Variants in HARS1 observed in about 807,000 individuals in gnomAD.
HARS1 encodes histidine--tRNA ligase, cytoplasmic.
Under a neutral mutation model 63.6 loss-of-function variants are expected in HARS1, and 45 were observed. That is an observed-to-expected ratio of 0.71 (90% CI 0.56 to 0.91). The LOEUF is 0.91. Ranked by LOEUF, HARS1 falls within the 40% of genes least tolerant of loss-of-function variation. The pLI is 0.00. For synonymous variants in HARS1, 205 were observed against 247.1 expected (o/e 0.83, Z 1.60); for missense variants, 508 against 643.2 (o/e 0.79, Z 2.27).
chr5:140,676,675 G>A lies in HARS1; in HGVS notation c.1173C>T (p.Ser391=), dbSNP rs1370801746. Residue 391 remains serine, a synonymous_variant, in exon 10 of 13, where the codon TCC becomes TCT. Transcript: ENST00000504156. The surrounding 1 kb of genome is among the most constrained non-coding windows in gnomAD (Gnocchi z 4.1). ...GLSIGVERIF[S]IVEQRLEALE... ...CTACCTCTAGTCTCTGTTCCACGAT[G>A]GAGAAAATCCGCTCCACCCCAATGC... 6.2e-7 allele frequency: 1 copy of A among 1,614,230 alleles called. No homozygotes were observed.
intron 2 of HARS1, chr5:140,684,665 A>G (rs574568969): frequency 6.6e-6 from 1 of 152,466 alleles, no homozygotes; most frequent in African/African-American, 2.4e-5. Flanking sequence ...CCCTACTCCA[A>G]AGTCTTTGGT....
At position 140,674,255 on chromosome 5, in the gene HARS1, G is replaced by A. The variant is rs1369701545; in HGVS notation, c.*2C>T. 6.3e-7 allele frequency: 1 copy of A among 1,590,046 alleles called. No individual in the cohort carries two copies. Among genetic ancestry groups the A allele is most frequent in the Admixed American group, 1.7e-5 (1 of 59,984 alleles). On this transcript the variant is annotated 3_prime_UTR_variant, in exon 13 of 13. Coordinates refer to ENST00000504156, the MANE Select transcript of HARS1 (RefSeq NM_002109.6). ...TTCCTTTCCTCTGATAGTTTGTTCA[G>A]TTCAGCAGATGCAGAGGGGCTGGCC...
chr5:140,674,499 G>A (rs142630342), intron 12 of HARS1, among the ~76,000 whole-genome samples, 171 bp from the exon 13 acceptor site: 1 of 152,230 alleles, frequency 6.6e-6, no homozygotes, highest in African/African-American at 2.4e-5. Context: ...CAAACCATAA[G>A]GTATATGCAG....
At chr5:140,687,650 TACTG>T (rs1303800195) in intron 2 of HARS1, 1 of 152,198 alleles carries the variant, frequency 6.6e-6, no homozygotes, top group Non-Finnish European at 1.5e-5. Flanking sequence ...TTTATTTACT[TACTG>T]TGAGTGCATG....
chr5:140,685,183 T>TAAAAAAAAAAAAAAAAAAA (rs59702263), intron 2 of HARS1: 1 of 142,016 alleles, frequency 7.0e-6, no homozygotes, highest in Non-Finnish European at 1.5e-5. Flanking sequence ...TCAATGAACT[T>TAAAAAAAAAAAAAAAAAAA]AAAAAAAAAA....
chr5:140,678,949 G>C (rs1758549085), intron 5 of HARS1, 53 bp downstream of exon 5: 1 of 1,592,784 alleles, frequency 6.3e-7, no homozygotes, highest in African/African-American at 1.3e-5. Context: ...GATTCTGCTG[G>C]CTTGAGAGAG....
At position 140,683,192 on chromosome 5, in the gene HARS1, T is replaced by A; in HGVS notation, c.208A>T (p.Met70Leu). The change falls in exon 3 of 13, where the codon ATG becomes TTG. Residue 70 changes from methionine (M) to leucine (L), a missense_variant. Physicochemically the swap from Met to Leu is conservative, Grantham distance 15. Around this residue, in one of 2 missense-constraint regions of HARS1, gnomAD observed 105 missense variants for 94.5 expected, o/e 1.11. Coordinates refer to ENST00000504156, the MANE Select transcript of HARS1 (RefSeq NM_002109.6). ...KGTRDYSPRQMAVREKVFDVI... is the reference protein window; with the variant it reads ...KGTRDYSPRQLAVREKVFDVI... ...TCAAACACCTTCTCGCGAACTGCCA[T>A]CTGCCGGGGACTATAGTCTCTTGTG... 3.1e-6 allele frequency: 5 copies of A among 1,614,034 alleles called. No individual in the cohort carries two copies. The highest frequency in any genetic ancestry group is 3.4e-6 in the Non-Finnish European group (4 of 1,179,860).
chr5:140,677,822 C>G (rs546933362), intron 6 of HARS1, 69 bp from the exon 7 acceptor site: 1 of 1,373,100 alleles, frequency 7.3e-7, no homozygotes, highest in African/African-American at 1.4e-5. Flanking sequence ...GTCATGGTCA[C>G]TTAGGCTACT....
rs969662741 is a variant in HARS1 at position 140,676,032 on chromosome 5, T to G, written c.1194+622A>C. On this transcript the variant is annotated intron_variant, in intron 10 of 12. Transcript: ENST00000504156. This position sits in a 1 kb window ranked among gnomAD's most constrained non-coding sequence, Gnocchi z 4.1. ...GGCTTGAGGCTACAAGAGGCTTCCT[T>G]GGTGTTACTCTAGGTGCTAGAGAGT... The G allele has an allele frequency of 1.3e-5, 2 of 152,142 alleles. No homozygotes were observed. The highest frequency in any genetic ancestry group is 2.9e-5 in the Non-Finnish European group (2 of 68,028). 9.4% of individuals were successfully genotyped at this position (152,142 alleles called of 1,614,324 possible).
chr5:140,681,539 A>G (rs1758731488), intron 3 of HARS1, among the ~76,000 whole-genome samples: 1 of 152,074 alleles, frequency 6.6e-6, no homozygotes, highest in South Asian at 2.1e-4. Context: ...GTGGTGGCAC[A>G]CGTGTTGTAA....
At position 140,691,356 on chromosome 5, in the gene HARS1, A is replaced by T; in HGVS notation, c.-52T>A. 2 of 1,381,668 alleles carry T rather than the reference A, an allele frequency of 1.4e-6. No individual in the cohort carries two copies. Among genetic ancestry groups the T allele is most frequent in the Non-Finnish European group, 2.0e-6 (2 of 1,000,860 alleles). The allele number at this position is 1,381,668 out of a possible 1,614,324, so 85.6% of individuals were successfully genotyped here. A position where few individuals can be genotyped will look rare whatever the true frequency, so the allele number is the denominator to read the frequency against. ...TGTCTCGACCTGCGGTGGTTGCCCC[A>T]GCCTCAGCAAGGATGACTTCCGGCT... On this transcript the variant is annotated 5_prime_UTR_variant, in exon 1 of 13. Coordinates refer to ENST00000504156, the MANE Select transcript of HARS1 (RefSeq NM_002109.6).
chr5:140,677,957 A>G lies in HARS1; in HGVS notation c.581T>C (p.Ile194Thr), dbSNP rs1758488093. The change falls in exon 6 of 13, where the codon ATC (isoleucine) becomes ACC (threonine). Residue 194 changes from isoleucine to threonine, a missense_variant. Ile to Thr is a moderately conservative substitution (Grantham distance 89). This residue lies in a region of HARS1 where 403 missense variants were observed against 548.7 expected (regional missense o/e 0.73). Coordinates refer to ENST00000504156, the MANE Select transcript of HARS1 (RefSeq NM_002109.6). ...PMIPDAECLK[I>T]MCEILSSLQI... ...AAGTGAACTCAGGATCTCGCACATGATCTTCAGGCACTCTGCATCAGGGAT... is the reference window on the plus strand; with the variant it reads ...AAGTGAACTCAGGATCTCGCACATGGTCTTCAGGCACTCTGCATCAGGGAT... 6.2e-7 allele frequency: 1 copy of G among 1,612,414 alleles called. No homozygotes were observed. Among genetic ancestry groups the G allele is most frequent in the Admixed American group, 1.7e-5 (1 of 59,944 alleles).
At chr5:140,677,295 G>A (rs759022991) in intron 8 of HARS1, 32 bp downstream of exon 8, 8 of 1,532,530 alleles carry the variant, frequency 5.2e-6, no homozygotes, top group African/African-American at 1.4e-5. Flanking sequence ...GCAGTGGGAC[G>A]GCTGCTGGGG....
Position 140,683,208 on chromosome 5 carries a change from G to GT in HARS1, c.191dup (p.Asp64GlufsTer3), listed in dbSNP as rs747434452. Reference sequence around the variant, plus strand: ...GAACTGCCATCTGCCGGGGACTATAGTCTCTTGTGCCCTTGGAGTTGAAAT... The same window carrying GT: ...GAACTGCCATCTGCCGGGGACTATAGTTCTCTTGTGCCCTTGGAGTTGAAAT... On this transcript the variant is annotated frameshift_variant, in exon 3 of 13. Transcript: ENST00000504156. LOFTEE classifies it high-confidence loss of function. 9.9e-6 allele frequency: 16 copies of GT among 1,613,854 alleles called. No individual in the cohort carries two copies. The highest frequency in any genetic ancestry group is 1.3e-5 in the African/African-American group (1 of 74,940).
In HARS1 at chr5:140,674,254, A is replaced by C. The variant is rs750323093; in HGVS notation, c.*3T>G. The C allele has an allele frequency of 1.3e-6, 2 of 1,586,836 alleles. No individual in the cohort carries two copies. Among genetic ancestry groups the C allele is most frequent in the South Asian group, 1.1e-5 (1 of 90,542 alleles). ...CTTCCTTTCCTCTGATAGTTTGTTC[A>C]GTTCAGCAGATGCAGAGGGGCTGGC... On this transcript the variant is annotated 3_prime_UTR_variant, in exon 13 of 13. Coordinates refer to ENST00000504156, the MANE Select transcript of HARS1 (RefSeq NM_002109.6).
chr5:140,680,520 T>C (rs1309352285), intron 3 of HARS1, among the ~76,000 whole-genome samples: 1 of 152,126 alleles, frequency 6.6e-6, no homozygotes, highest in African/African-American at 2.4e-5. Flanking sequence ...TGTTATACTG[T>C]TAGGTGTTTA....
Position 140,674,710 on chromosome 5 carries a change from A to C in HARS1, c.1427T>G (p.Ile476Ser). ...CCTGCTCGTCACTGAACGGAGCTTG[A>C]TGACCCCATCCTTGAGTTCCTGCTC... ...IGEQELKDGV[I>S]KLRSVTSREE... The change falls in exon 12 of 13, where the codon ATC becomes AGC. Residue 476 changes from isoleucine to serine, a missense_variant. By Grantham distance (142) the Ile-to-Ser change is moderately radical. Around this residue, in one of 2 missense-constraint regions of HARS1, gnomAD observed 403 missense variants for 548.7 expected, o/e 0.73. Transcript: ENST00000504156. 1 of 1,614,190 alleles carries C rather than the reference A, an allele frequency of 6.2e-7. No homozygotes were observed. Among genetic ancestry groups the C allele is most frequent in the Non-Finnish European group, 8.5e-7 (1 of 1,180,030 alleles).
At position 140,680,993 on chromosome 5, in the gene HARS1, C is replaced by T. The variant is rs185077558; in HGVS notation, c.301-1110G>A. ...TAAATGTTTTTTGATGCCTGAGATT[C>T]GAATAATGTCAAAAGTAAAAACTGG... On this transcript the variant is annotated intron_variant, in intron 3 of 12. Transcript: ENST00000504156. Among the ~76,000 whole-genome samples, 292 of 151,596 alleles carry T rather than the reference C, an allele frequency of 1.9e-3. 3 individuals are homozygous for T. The highest frequency in any genetic ancestry group is 6.4e-3 in the African/African-American group (263 of 41,312).
intron 2 of HARS1, among the ~76,000 whole-genome samples, chr5:140,687,186 T>C (rs1262226742): frequency 6.6e-6 from 1 of 152,146 alleles, no homozygotes; most frequent in Non-Finnish European, 1.5e-5. Context: ...CATTTTGTCA[T>C]AGCAAATATT....
Sources: allele counts gnomAD v4.1 joint callset (sites outside exome capture counted in the v4.1 genomes callset), GRCh38; gene constraint gnomAD v4.1.1; regional missense constraint gnomAD v4.1.1; non-coding constraint Gnocchi (gnomAD v3.1); transcripts MANE v1.5; gene names NCBI Gene and HGNC (gene_info 2026-07-23, HGNC 2026-07-21).